The following ADAMTS18 variants were observed in gnomAD, a reference collection of about 807,000 sequenced individuals.
ADAMTS18 encodes the protein A disintegrin and metalloproteinase with thrombospondin motifs 18.
ADAMTS18 carries 157 observed loss-of-function variants against 165.9 expected under a neutral mutation model. The observed-to-expected ratio is 0.95, with a 90% CI of 0.83 to 1.08. ADAMTS18 has a LOEUF of 1.08. ADAMTS18 is among the 50% of genes least tolerant of loss of function. The pLI is 0.00. For synonymous variants in ADAMTS18, 782 were observed against 578.2 expected (o/e 1.35, Z -5.06); for missense variants, 2,040 against 1,534.0 (o/e 1.33, Z -5.51).
Position 77,295,108 on chromosome 16 carries a change from T to C in ADAMTS18, c.2821A>G (p.Ser941Gly), listed in dbSNP as rs368016588. ...CCAGCACAGGCCTTGCTGCATGTAC[T>C]CCATTCACCTGGCATCCAGCTTTCA... ...CPAYWMPGEW[S>G]TCSKACAGGQ... The change falls in exon 19 of 23, where the codon AGT becomes GGT. Residue 941 changes from serine to glycine, a missense_variant. Transcript: ENST00000282849. 11 of 1,614,074 alleles carry C rather than the reference T, an allele frequency of 6.8e-6. No homozygotes were observed. The highest frequency in any genetic ancestry group is 8.5e-6 in the Non-Finnish European group (10 of 1,180,044).
intron 16 of ADAMTS18, among the ~76,000 whole-genome samples, chr16:77,306,696 T>A (rs536516870): frequency 6.6e-6 from 1 of 152,210 alleles, no homozygotes; most frequent in Non-Finnish European, 1.5e-5. Flanking sequence ...GCTTTAAAAT[T>A]AACAATGCCT....
chr16:77,364,479 T>C, intron 4 of ADAMTS18, 98 bp from the exon 5 acceptor site: 1 of 1,334,486 alleles, frequency 7.5e-7, no homozygotes, highest in African/African-American at 1.5e-5. Context: ...AGAAACTATG[T>C]AACCAACACA....
intron 3 of ADAMTS18, among the ~76,000 whole-genome samples, chr16:77,426,062 C>T (rs1044502643): frequency 6.6e-5 from 10 of 151,424 alleles, no homozygotes; most frequent in Admixed American, 2.6e-4. Context: ...CAAACAGAAA[C>T]GGGGAGTTGG....
chr16:77,321,072 C>A lies in ADAMTS18; in HGVS notation c.2287+7G>T, dbSNP rs1469517264. Reference sequence around the variant, plus strand: ...CATTAACAATAACAAACAGCAGCATCTCTCACCATTTGCTTTATGCTGGTT... The same window carrying A: ...CATTAACAATAACAAACAGCAGCATATCTCACCATTTGCTTTATGCTGGTT... On this transcript the variant is annotated splice_region_variant and intron_variant, in intron 15 of 22. Transcript: ENST00000282849. The A allele has an allele frequency of 3.7e-6, 6 of 1,614,170 alleles. No homozygotes were observed. In the South Asian group the frequency reaches 5.5e-5, roughly 15 times the overall value.
intron 3 of ADAMTS18, among the ~76,000 whole-genome samples, chr16:77,377,159 T>C (rs1223837525): frequency 6.6e-6 from 1 of 152,202 alleles, no homozygotes; most frequent in Non-Finnish European, 1.5e-5. Flanking sequence ...CAGGTATAAA[T>C]CACACTTTAT....
At chr16:77,414,983 A>G (rs1178943692) in intron 3 of ADAMTS18, among the ~76,000 whole-genome samples, 3 of 152,376 alleles carry the variant, frequency 2.0e-5, no homozygotes, top group East Asian at 3.9e-4. Flanking sequence ...AAGCATCTGC[A>G]GTTATTGTTG....
At chr16:77,420,322 T>C (rs927319807) in intron 3 of ADAMTS18, among the ~76,000 whole-genome samples, 2 of 152,110 alleles carry the variant, frequency 1.3e-5, no homozygotes, top group African/African-American at 2.4e-5. Flanking sequence ...TCTAAGATGA[T>C]TGCATCTCTA....
At chr16:77,394,716 T>A (rs374342343) in intron 3 of ADAMTS18, among the ~76,000 whole-genome samples, 1 of 152,190 alleles carries the variant, frequency 6.6e-6, no homozygotes, top group Non-Finnish European at 1.5e-5. Context: ...GTATTTAGCA[T>A]AAAAAGCAGG....
intron 12 of ADAMTS18, among the ~76,000 whole-genome samples, chr16:77,334,727 ATATACTATAGTATATATACTG>A (rs759689016): frequency 2.7e-5 from 2 of 73,422 alleles, no homozygotes; most frequent in African/African-American, 5.8e-5. Context: ...GTATACTACT[ATATACTATAGTATATATACTG>A]TATACTATAG....
chr16:77,353,729 A>G lies in ADAMTS18; in HGVS notation c.1614+4T>C, dbSNP rs1443862084. Reference sequence around the variant, plus strand: ...TGTAAGTTTGAAATCACAAGCAAACATACCTTCACAAAACCAAGGCTGCAT... The same window carrying G: ...TGTAAGTTTGAAATCACAAGCAAACGTACCTTCACAAAACCAAGGCTGCAT... On this transcript the variant is annotated splice_donor_region_variant and intron_variant, in intron 10 of 22. Coordinates refer to ENST00000282849, the MANE Select transcript of ADAMTS18 (RefSeq NM_199355.4). The G allele has an allele frequency of 1.2e-6, 2 of 1,614,122 alleles. No individual in the cohort carries two copies. Among genetic ancestry groups the G allele is most frequent in the Non-Finnish European group, 1.7e-6 (2 of 1,180,038 alleles).
chr16:77,393,150 A>G (rs566631710), intron 3 of ADAMTS18, among the ~76,000 whole-genome samples: 14 of 152,206 alleles, frequency 9.2e-5, no homozygotes, highest in Non-Finnish European at 2.1e-4. Flanking sequence ...CATGGAGGTG[A>G]AAACAGATGT....
intron 3 of ADAMTS18, among the ~76,000 whole-genome samples, chr16:77,424,173 AAGGCAGGC>A (rs112229694): frequency 2.6e-5 from 4 of 151,932 alleles, no homozygotes; most frequent in Admixed American, 2.6e-4. Context: ...CATACCCGAA[AAGGCAGGC>A]AGGCAGGCCG....
At chr16:77,385,790 G>A (rs146531357) in intron 3 of ADAMTS18, among the ~76,000 whole-genome samples, 87 of 152,264 alleles carry the variant, frequency 5.7e-4, no homozygotes, top group African/African-American at 1.9e-3. Flanking sequence ...TGACCACCAT[G>A]TTGGAAACAG....
rs1457430448 is a variant in ADAMTS18, at chr16:77,380,009, A to G, written c.496-12286T>C. On this transcript the variant is annotated intron_variant, in intron 3 of 22. Coordinates refer to ENST00000282849, the MANE Select transcript of ADAMTS18 (RefSeq NM_199355.4). ...CTCTGTGACTTTCTGAGTCATGCTG[A>G]TAACGGTAGACTAGAAAAAAGGTTC... is the stretch of plus-strand genomic sequence containing the variant. 3.3e-5 allele frequency among the ~76,000 whole-genome samples: 5 copies of G among 152,334 alleles called. 1 individual carries two copies. In the East Asian group the frequency reaches 7.7e-4, roughly 24 times the overall value.
intron 16 of ADAMTS18, among the ~76,000 whole-genome samples, chr16:77,302,648 C>T (rs1341496197): frequency 2.0e-5 from 3 of 152,062 alleles, no homozygotes; most frequent in Non-Finnish European, 4.4e-5. Flanking sequence ...GGAACAGATC[C>T]CCAATAAAAA....
rs757526473 is a variant in ADAMTS18, at chr16:77,295,134, G to C, written c.2802-7C>G. Reference sequence around the variant, plus strand: ...CCATTCACCTGGCATCCAGCTTTCAGTGCAAAACAAACATTACCAATGAAG... The same window carrying C: ...CCATTCACCTGGCATCCAGCTTTCACTGCAAAACAAACATTACCAATGAAG... On this transcript the variant is annotated splice_polypyrimidine_tract_variant and splice_region_variant and intron_variant, in intron 18 of 22. Coordinates refer to ENST00000282849, the MANE Select transcript of ADAMTS18 (RefSeq NM_199355.4). The C allele has an allele frequency of 2.5e-6, 4 of 1,614,078 alleles. No individual in the cohort carries two copies. Among genetic ancestry groups the C allele is most frequent in the Non-Finnish European group, 3.4e-6 (4 of 1,180,010 alleles).
intron 3 of ADAMTS18, among the ~76,000 whole-genome samples, chr16:77,401,671 A>C (rs1288842116): frequency 6.6e-6 from 1 of 152,208 alleles, no homozygotes; most frequent in Non-Finnish European, 1.5e-5. Context: ...TGTGTCTATG[A>C]GGGCATTTAA....
intron 3 of ADAMTS18, among the ~76,000 whole-genome samples, chr16:77,375,147 A>T (rs1001438855): frequency 3.3e-5 from 5 of 152,106 alleles, no homozygotes; most frequent in Non-Finnish European, 5.9e-5. Context: ...CAGGGGCTAA[A>T]CCAGCAAATA....
chr16:77,288,375 GCT>G (rs2055295841), intron 22 of ADAMTS18, among the ~76,000 whole-genome samples: 1 of 151,010 alleles, frequency 6.6e-6, no homozygotes. Flanking sequence ...GGATGATCTG[GCT>G]CTGAGTAACT....
Sources: allele counts gnomAD v4.1 joint callset (sites outside exome capture counted in the v4.1 genomes callset), GRCh38; gene constraint gnomAD v4.1.1; transcripts MANE v1.5; gene names NCBI Gene and HGNC (gene_info 2026-07-23, HGNC 2026-07-21).